Variants in SNRPN observed in about 807,000 individuals in gnomAD.
SNRPN encodes small nuclear ribonucleoprotein polypeptide N.
SNRPN carries 7 observed loss-of-function variants against 25.2 expected under a neutral mutation model. The ratio of observed to expected loss-of-function variants is 0.28; its 90% CI spans 0.16 to 0.52. The LOEUF (loss-of-function observed/expected upper bound fraction) is 0.52. Among genes scored for constraint, SNRPN ranks in the 20% least tolerant of loss-of-function variants. The pLI is 0.96. For synonymous variants in SNRPN, 124 were observed against 110.6 expected (o/e 1.12, Z -0.76); for missense variants, 196 against 322.5 (o/e 0.61, Z 3.00).
intron 1 of SNRPN, among the ~76,000 whole-genome samples, chr15:24,873,759 T>A (rs1204410607): frequency 6.6e-6 from 1 of 152,138 alleles, no homozygotes; most frequent in African/African-American, 2.4e-5. Flanking sequence ...CTCTTCTTTT[T>A]ATGGTCTGAA....
chr15:24,885,356 A>C (rs1422581983), intron 1 of SNRPN, among the ~76,000 whole-genome samples: 1 of 152,198 alleles, frequency 6.6e-6, no homozygotes, highest in Admixed American at 6.5e-5. Flanking sequence ...TCCTGCTTCC[A>C]TAACAGTGGG....
intron 1 of SNRPN, among the ~76,000 whole-genome samples, chr15:24,957,083 C>A (rs533510150): frequency 6.6e-6 from 1 of 152,094 alleles, no homozygotes; most frequent in Non-Finnish European, 1.5e-5. Flanking sequence ...ACTTGTTAAC[C>A]CCTTTTTTTT....
At chr15:24,834,206 G>C (rs2050811077) in intron 2 of SNRPN, among the ~76,000 whole-genome samples, 1 of 152,134 alleles carries the variant, frequency 6.6e-6, no homozygotes, top group South Asian at 2.1e-4. Flanking sequence ...TTACAGGCGT[G>C]AGCCACTGTG....
intron 2 of SNRPN, among the ~76,000 whole-genome samples, chr15:24,893,334 A>G (rs2057830796): frequency 6.6e-6 from 1 of 150,832 alleles, no homozygotes; most frequent in African/African-American, 2.4e-5. Context: ...AAATCCTTTC[A>G]GGCTGGGTGC....
intron 1 of SNRPN, among the ~76,000 whole-genome samples, chr15:24,880,025 AT>A (rs1366417972): frequency 2.0e-5 from 3 of 152,024 alleles, no homozygotes; most frequent in Non-Finnish European, 4.4e-5. Context: ...CTTCACAGTA[AT>A]TTTCGTTTCC....
rs1032152084 is a variant in SNRPN, at chr15:24,962,033, G to T, written c.-390-81G>T. 3.5e-6 allele frequency: 4 copies of T among 1,147,652 alleles called. No homozygotes were observed. The African/African-American group carries it at 4.6e-5, about 13-fold the overall frequency. The allele number at this position is 1,147,652 out of a possible 1,614,324, so 71.1% of individuals were successfully genotyped here. A position where few individuals can be genotyped will look rare whatever the true frequency, so the allele number is the denominator to read the frequency against. On this transcript the variant is annotated intron_variant, in intron 1 of 9. Coordinates refer to ENST00000390687, the MANE Select transcript of SNRPN (RefSeq NM_003097.6). ...TTAAAAATCCATTATATTAAATGTA[G>T]TTCTAAATATAACCTTGACAAATAG...
intron 2 of SNRPN, among the ~76,000 whole-genome samples, chr15:24,912,904 G>A (rs11635023): frequency 0.49 from 73,679 of 151,898 alleles, 18,104 homozygotes; most frequent in South Asian, 0.6. Flanking sequence ...CGACAAATAA[G>A]TTTATGTTCT....
At chr15:24,827,001 TGTC>T (rs987518431) in intron 1 of SNRPN, among the ~76,000 whole-genome samples, 8 of 152,042 alleles carry the variant, frequency 5.3e-5, no homozygotes, top group Non-Finnish European at 8.8e-5. Context: ...AACACGATGG[TGTC>T]ATATCCCATA....
intron 2 of SNRPN, among the ~76,000 whole-genome samples, chr15:24,911,347 C>A (rs2059201988): frequency 6.6e-6 from 1 of 152,076 alleles, no homozygotes; most frequent in South Asian, 2.1e-4. Flanking sequence ...GGGAGAATGA[C>A]CCTGAAGACA....
At chr15:24,970,575 A>C (rs187149014) in intron 3 of SNRPN, among the ~76,000 whole-genome samples, 2 of 152,132 alleles carry the variant, frequency 1.3e-5, no homozygotes, top group South Asian at 4.1e-4. Flanking sequence ...CAAGACTTCT[A>C]TCTCAAAAAA....
intron 1 of SNRPN, among the ~76,000 whole-genome samples, chr15:24,955,569 C>G (rs1451087639): frequency 6.8e-6 from 1 of 147,096 alleles, no homozygotes; most frequent in East Asian, 2.0e-4. Flanking sequence ...ATAATAGTGA[C>G]CACTGCGTGG....
At chr15:24,842,012 G>A (rs886654432) in intron 2 of SNRPN, among the ~76,000 whole-genome samples, 3 of 152,096 alleles carry the variant, frequency 2.0e-5, no homozygotes, top group African/African-American at 7.2e-5. Context: ...TCTGTGGGGA[G>A]GAGAGTGACA....
chr15:24,828,210 C>T (rs762580271), intron 1 of SNRPN, among the ~76,000 whole-genome samples: 39 of 152,204 alleles, frequency 2.6e-4, no homozygotes, highest in Non-Finnish European at 4.9e-4. Context: ...AATGTGTTCA[C>T]GTAATCCTCT....
intron 2 of SNRPN, among the ~76,000 whole-genome samples, chr15:24,847,545 A>G (rs1006203116): frequency 1.3e-5 from 2 of 152,142 alleles, no homozygotes; most frequent in Non-Finnish European, 2.9e-5. Flanking sequence ...AGGCTGAGGC[A>G]GGAGAATTGC....
intron 2 of SNRPN, among the ~76,000 whole-genome samples, chr15:24,844,131 A>T (rs1174344213): frequency 6.7e-6 from 1 of 149,748 alleles, no homozygotes; most frequent in East Asian, 2.0e-4. Context: ...GTGTGTCTGT[A>T]GTGTGTGTGT....
intron 1 of SNRPN, among the ~76,000 whole-genome samples, chr15:24,874,126 C>G (rs1312618063): frequency 1.3e-5 from 2 of 151,430 alleles, no homozygotes. Context: ...CTGGCTAACA[C>G]AGTGAAACCT....
chr15:24,899,993 A>T (rs2058348380), intron 2 of SNRPN, among the ~76,000 whole-genome samples: 1 of 152,166 alleles, frequency 6.6e-6, no homozygotes, highest in Admixed American at 6.6e-5. Flanking sequence ...GCTCCTTGTC[A>T]ATGTGCAATG....
intron 3 of SNRPN, among the ~76,000 whole-genome samples, chr15:24,945,519 C>T (rs2061826239): frequency 6.6e-6 from 1 of 151,794 alleles, no homozygotes; most frequent in East Asian, 1.9e-4. Flanking sequence ...CCACTGCACT[C>T]CAGCCTGTGC....
At chr15:24,953,460 A>C (rs889527834), upstream of SNRPN, among the ~76,000 whole-genome samples, 2 of 152,132 alleles carry the variant, frequency 1.3e-5, no homozygotes, top group Non-Finnish European at 1.5e-5. Flanking sequence ...AGTAGCTAAG[A>C]TTACAGGCAT....
Sources: allele counts gnomAD v4.1 joint callset (sites outside exome capture counted in the v4.1 genomes callset), GRCh38; gene constraint gnomAD v4.1.1; transcripts MANE v1.5; gene names NCBI Gene and HGNC (gene_info 2026-07-23, HGNC 2026-07-21).